The following MEIG1 variants were observed in gnomAD, a reference collection of about 807,000 sequenced individuals.
The protein encoded by MEIG1 is meiosis/spermiogenesis associated 1.
MEIG1 carries 12 observed loss-of-function variants against 11.3 expected under a neutral mutation model. That is an observed-to-expected ratio of 1.07 (90% confidence interval 0.68 to 1.73). The LOEUF (loss-of-function observed/expected upper bound fraction) is 1.73. Ranked by LOEUF, MEIG1 falls within the 40% of genes most tolerant of loss-of-function variation. MEIG1 has a pLI of 0.00. For missense variants in MEIG1, 119 were observed against 104.9 expected, an observed-to-expected ratio of 1.13 and a Z score of -0.59; for synonymous variants, 41 against 33.2, an observed-to-expected ratio of 1.24 and a Z score of -0.81.
intron 2 of MEIG1, chr10:14,987,249 A>G (rs1796679894): frequency 1.1e-6 from 1 of 901,356 alleles, no homozygotes; most frequent in East Asian, 2.7e-5. Context: ...TTGGAGAGGA[A>G]GAAGTACATG....
chr10:14,957,259 G>T (rs1476793295), upstream of MEIG1, among the ~76,000 whole-genome samples: 1 of 152,152 alleles, frequency 6.6e-6, no homozygotes, highest in Non-Finnish European at 1.5e-5. Flanking sequence ...AGGTTAAGTA[G>T]CTTGTCCAGG....
At chr10:14,984,598 G>A (rs1343754987) in intron 1 of MEIG1, among the ~76,000 whole-genome samples, 1 of 151,852 alleles carries the variant, frequency 6.6e-6, no homozygotes, top group Non-Finnish European at 1.5e-5. Context: ...TAATATCCTA[G>A]AGGGATGTCA....
upstream of MEIG1, among the ~76,000 whole-genome samples, chr10:14,959,155 G>T (rs1842981243): frequency 6.6e-6 from 1 of 152,162 alleles, no homozygotes; most frequent in Non-Finnish European, 1.5e-5. Context: ...GCTTTCACAG[G>T]GAATTTTGTC....
downstream of MEIG1, among the ~76,000 whole-genome samples, chr10:14,973,769 CA>C (rs59507280): frequency 5.9e-4 from 53 of 90,466 alleles, 1 homozygote; most frequent in East Asian, 1.3e-3. Context: ...GACTCCATCT[CA>C]AAAAAAAAAA....
intron 2 of MEIG1, among the ~76,000 whole-genome samples, chr10:14,969,266 G>T (rs546052717): frequency 6.6e-6 from 1 of 151,684 alleles, no homozygotes; most frequent in South Asian, 2.1e-4. Flanking sequence ...GGGTGACATA[G>T]TGAGAACCCA....
intron 1 of MEIG1, among the ~76,000 whole-genome samples, chr10:14,964,552 T>C (rs1338542268): frequency 2.0e-5 from 3 of 146,988 alleles, no homozygotes; most frequent in African/African-American, 7.7e-5. Context: ...CCTTTATATA[T>C]ATGTATATAA....
intron 1 of MEIG1, among the ~76,000 whole-genome samples, chr10:14,984,825 A>T (rs771963449): frequency 2.0e-5 from 3 of 152,062 alleles, no homozygotes; most frequent in Non-Finnish European, 4.4e-5. Flanking sequence ...GTGGACACAC[A>T]GTGATGGTAT....
intron 2 of MEIG1, among the ~76,000 whole-genome samples, chr10:14,966,914 G>A (rs1843091281): frequency 6.6e-6 from 1 of 151,906 alleles, no homozygotes; most frequent in South Asian, 2.1e-4. Flanking sequence ...TTGTATTTTT[G>A]TAGAGACGGG....
downstream of MEIG1, among the ~76,000 whole-genome samples, chr10:14,973,781 A>AAAAAC (rs1354898381): frequency 2.0e-5 from 3 of 151,428 alleles, 1 homozygote; most frequent in Non-Finnish European, 4.4e-5. Flanking sequence ...AAAAAAAAAA[A>AAAAAC]AAAAAGAAAA....
chr10:14,955,385 T>C (rs2131249063), upstream of MEIG1, among the ~76,000 whole-genome samples: 1 of 152,122 alleles, frequency 6.6e-6, no homozygotes, highest in South Asian at 2.1e-4. Flanking sequence ...GGAACAAAGA[T>C]TTCTGACCAG....
intron 1 of MEIG1, among the ~76,000 whole-genome samples, chr10:14,986,515 A>G (rs7914503): frequency 0.19 from 28,166 of 152,040 alleles, 2,796 homozygotes; most frequent in Middle Eastern, 0.28. Context: ...TCTGTATTTC[A>G]GGACCCAATT....
downstream of MEIG1, among the ~76,000 whole-genome samples, chr10:14,973,600 T>C (rs973933434): frequency 2.0e-5 from 3 of 151,824 alleles, no homozygotes; most frequent in African/African-American, 7.3e-5. Flanking sequence ...AAACCCTGTC[T>C]CTACTAAAAA....
intron 1 of MEIG1, among the ~76,000 whole-genome samples, chr10:14,986,290 A>T (rs185005564): frequency 8.7e-4 from 132 of 152,274 alleles, no homozygotes; most frequent in Non-Finnish European, 1.3e-3. Context: ...GCACCATCAC[A>T]CTTCAGCCTG....
chr10:14,959,821 GCCGCGT>G (rs1006697224), intron 1 of MEIG1, among the ~76,000 whole-genome samples: 1 of 152,244 alleles, frequency 6.6e-6, no homozygotes, highest in Non-Finnish European at 1.5e-5. Flanking sequence ...GGCTTTAGGG[GCCGCGT>G]CTCCGAGGGC....
chr10:14,963,551 T>C (rs554548100), intron 1 of MEIG1, among the ~76,000 whole-genome samples: 1 of 152,348 alleles, frequency 6.6e-6, no homozygotes, highest in East Asian at 1.9e-4. Flanking sequence ...TATTATATTG[T>C]GCAGCAGTGG....
the MEIG1 span, chr10:14,954,265 C>T: frequency 1.7e-6 from 1 of 588,972 alleles, no homozygotes; most frequent in Non-Finnish European, 3.0e-6. Flanking sequence ...CTGCCCAGTG[C>T]AAGGCTCATT....
rs921034042 is a variant in MEIG1 at position 14,972,666 on chromosome 10, A to G, written c.*25A>G. ...GCCTGTCTTCTTTGTATTACTTGTCAATTATATTTTAAGTATTCATCATTT... is the reference window on the plus strand; with the variant it reads ...GCCTGTCTTCTTTGTATTACTTGTCGATTATATTTTAAGTATTCATCATTT... On this transcript the variant is annotated 3_prime_UTR_variant, in exon 3 of 3. Coordinates refer to ENST00000407572, the MANE Select transcript of MEIG1 (RefSeq NM_001080836.3). 1.3e-6 allele frequency: 2 copies of G among 1,558,310 alleles called. No individual in the cohort carries two copies. The highest frequency in any genetic ancestry group is 4.5e-5 in the East Asian group (2 of 43,976).
intron 2 of MEIG1, among the ~76,000 whole-genome samples, chr10:14,971,434 T>A (rs1843149518): frequency 6.6e-6 from 1 of 151,798 alleles, no homozygotes; most frequent in Non-Finnish European, 1.5e-5. Context: ...TTCTAACTAC[T>A]CGGGAGGCAG....
chr10:14,982,511 G>A (rs1200121756), intron 1 of MEIG1, among the ~76,000 whole-genome samples: 2 of 152,066 alleles, frequency 1.3e-5, no homozygotes, highest in African/African-American at 4.8e-5. Context: ...ATCAATTAGG[G>A]CTTGTGGCTT....
Sources: allele counts gnomAD v4.1 joint callset (sites outside exome capture counted in the v4.1 genomes callset), GRCh38; gene constraint gnomAD v4.1.1; transcripts MANE v1.5; gene names NCBI Gene and HGNC (gene_info 2026-07-23, HGNC 2026-07-21).